Variants in TRIM9 observed in about 807,000 individuals in gnomAD.
The protein encoded by TRIM9 is tripartite motif containing 9, also known as E3 ubiquitin-protein ligase TRIM9.
TRIM9 carries 26 observed loss-of-function variants against 78.3 expected under a neutral mutation model. The ratio of observed to expected loss-of-function variants is 0.33; its 90% CI spans 0.24 to 0.46. TRIM9 has a LOEUF of 0.46. Among genes scored for constraint, TRIM9 ranks in the 20% least tolerant of loss-of-function variants. The pLI is 1.00. For missense variants in TRIM9, 787 were observed against 1,036.4 expected, an observed-to-expected ratio of 0.76 and a Z score of 3.30; for synonymous variants, 398 against 416.5, an observed-to-expected ratio of 0.96 and a Z score of 0.54.
chr14:51,006,364 T>C (rs1237488395), intron 5 of TRIM9, among the ~76,000 whole-genome samples: 5 of 152,222 alleles, frequency 3.3e-5, no homozygotes, highest in Non-Finnish European at 7.3e-5. Context: ...TGACAAAGAA[T>C]ATCTTTAAAA....
chr14:51,013,127 G>A (rs995286449), intron 3 of TRIM9, among the ~76,000 whole-genome samples: 1 of 151,848 alleles, frequency 6.6e-6, no homozygotes, highest in Non-Finnish European at 1.5e-5. Context: ...TTCCCCCTGT[G>A]TTCTCTCCCA....
chr14:51,012,806 C>G (rs1406114263), intron 3 of TRIM9, among the ~76,000 whole-genome samples: 3 of 152,188 alleles, frequency 2.0e-5, no homozygotes, highest in African/African-American at 7.2e-5. Context: ...TCCCTAATGA[C>G]TGGTGATGCT....
chr14:51,069,843 C>G (rs1026874219), intron 1 of TRIM9, among the ~76,000 whole-genome samples: 1 of 152,152 alleles, frequency 6.6e-6, no homozygotes, highest in African/African-American at 2.4e-5. Flanking sequence ...TTATCTTTCT[C>G]AAGGTGGAAA....
At chr14:51,064,331 A>G (rs2061576265) in intron 1 of TRIM9, among the ~76,000 whole-genome samples, 1 of 152,098 alleles carries the variant, frequency 6.6e-6, no homozygotes, top group African/African-American at 2.4e-5. Context: ...AACAAGCAAT[A>G]AGCAGGTGGA....
intron 5 of TRIM9, among the ~76,000 whole-genome samples, chr14:51,005,244 C>G (rs1413761792): frequency 4.6e-5 from 7 of 152,184 alleles, no homozygotes; most frequent in African/African-American, 7.2e-5. Flanking sequence ...ATAGGGGACT[C>G]TATTCAGATC....
At chr14:50,990,971 A>G (rs769324025) in intron 7 of TRIM9, among the ~76,000 whole-genome samples, 2 of 152,242 alleles carry the variant, frequency 1.3e-5, no homozygotes, top group Non-Finnish European at 2.9e-5. Flanking sequence ...ATAATTTATA[A>G]TAAAAGGTGG....
Position 50,998,200 on chromosome 14 carries a change from C to T in TRIM9, c.1465-12G>A, listed in dbSNP as rs139277076. 101 of 1,613,868 alleles carry T rather than the reference C, an allele frequency of 6.3e-5. No homozygotes were observed. In the East Asian group the frequency reaches 2.3e-3, roughly 36 times the overall value. On this transcript the variant is annotated splice_polypyrimidine_tract_variant and intron_variant, in intron 6 of 12. Transcript: ENST00000684578. ...CCCACATACACCTCCTGAGAGTCAG[C>T]AAAGAACAGGACAGCACTTAGCCTG...
chr14:51,094,580 C>T lies in TRIM9; in HGVS notation c.360G>A (p.Val120=). The T allele has an allele frequency of 1.9e-6, 3 of 1,612,050 alleles. No individual in the cohort carries two copies. Among genetic ancestry groups the T allele is most frequent in the Non-Finnish European group, 2.5e-6 (3 of 1,179,430 alleles). ...GGCAGGTGATACAGGAGTTGCGGGG[C>T]ACCGGGGCCAGGGCCGGTGACAAGT... ...ATHLSPALAP[V]PRNSCITCPQ... is the part of the protein sequence containing the mutation. Residue 120 remains valine (V), a synonymous_variant, in exon 1 of 13, where the codon GTG becomes GTA. Transcript: ENST00000684578.
At chr14:51,000,928 G>A in intron 5 of TRIM9, 88 bp from the exon 6 acceptor site, 1 of 1,501,436 alleles carries the variant, frequency 6.7e-7, no homozygotes, top group Non-Finnish European at 9.1e-7. Context: ...TGATAAACAC[G>A]TGGTTAGAAG....
intron 1 of TRIM9, among the ~76,000 whole-genome samples, chr14:51,036,963 T>C (rs1768854252): frequency 6.6e-6 from 1 of 152,216 alleles, no homozygotes. Flanking sequence ...CTTTTATAGA[T>C]TTATATTTCC....
chr14:51,083,603 T>G (rs1459789514), intron 1 of TRIM9, among the ~76,000 whole-genome samples: 7 of 152,058 alleles, frequency 4.6e-5, no homozygotes, highest in African/African-American at 1.7e-4. Flanking sequence ...GGAGTTAAGA[T>G]GCTTGCATTC....
chr14:51,072,108 C>T lies in TRIM9; in HGVS notation c.822+22010G>A, dbSNP rs377753535. Among the ~76,000 whole-genome samples the T allele has an allele frequency of 4.3e-4, 66 of 152,290 alleles. 2 individuals are homozygous for T. In the South Asian group the frequency reaches 0.011, roughly 26 times the overall value. The stretch of plus-strand genomic sequence containing the variant: ...AAAAGGCACACGTGGCAGGACTGGG[C>T]CACCTGGGCTTCAGGGAAATCTGCC... On this transcript the variant is annotated intron_variant, in intron 1 of 12. Transcript: ENST00000684578.
At chr14:51,075,099 C>T (rs764088810) in intron 1 of TRIM9, among the ~76,000 whole-genome samples, 2 of 152,204 alleles carry the variant, frequency 1.3e-5, no homozygotes, top group South Asian at 2.1e-4. Context: ...GGGACCTTAG[C>T]TCTCATGTAA....
chr14:50,998,744 A>AG (rs1311581621), intron 6 of TRIM9, among the ~76,000 whole-genome samples: 2 of 152,234 alleles, frequency 1.3e-5, no homozygotes, highest in Non-Finnish European at 2.9e-5. Context: ...TACAGAGGGA[A>AG]GGGGGAGGAA....
At chr14:51,029,197 A>G (rs2058514147) in intron 1 of TRIM9, among the ~76,000 whole-genome samples, 1 of 152,204 alleles carries the variant, frequency 6.6e-6, no homozygotes, top group Non-Finnish European at 1.5e-5. Flanking sequence ...GGGACAAATG[A>G]AAAGAAGCTT....
At chr14:51,074,906 C>T (rs1444102053) in intron 1 of TRIM9, among the ~76,000 whole-genome samples, 1 of 152,236 alleles carries the variant, frequency 6.6e-6, no homozygotes, top group African/African-American at 2.4e-5. Context: ...TGGTTCATCT[C>T]CTTTTGATCT....
intron 1 of TRIM9, among the ~76,000 whole-genome samples, chr14:51,083,032 T>C (rs115450763): frequency 0.035 from 5,372 of 152,214 alleles, 300 homozygotes; most frequent in African/African-American, 0.12. Flanking sequence ...TCTTGCCTCA[T>C]GGAGTTGTGG....
chr14:51,034,784 A>G (rs972808249), intron 1 of TRIM9, among the ~76,000 whole-genome samples: 7 of 152,190 alleles, frequency 4.6e-5, no homozygotes, highest in Non-Finnish European at 8.8e-5. Context: ...GCCCCAAACT[A>G]CCTAGTTCTG....
intron 9 of TRIM9, 131 bp from the exon 10 acceptor site, chr14:50,983,096 A>C (rs1407822178): frequency 2.3e-6 from 2 of 855,930 alleles, no homozygotes; most frequent in Admixed American, 4.3e-5. Context: ...CATATACTAA[A>C]CAGGTGCTCT....
Sources: gnomAD v4.1 joint callset for allele counts (sites outside exome capture counted in the v4.1 genomes callset) on GRCh38, gnomAD v4.1.1 for gene constraint, MANE v1.5 for transcripts, NCBI Gene and HGNC (gene_info 2026-07-23, HGNC 2026-07-21) for gene names.